The following SEMA3E variants were observed in gnomAD, a reference collection of about 807,000 sequenced individuals.
SEMA3E encodes the protein semaphorin 3E, also known as semaphorin-3E.
Under a neutral mutation model 93.6 loss-of-function variants are expected in SEMA3E, and 49 were observed. That is an observed-to-expected ratio of 0.52 (90% confidence interval 0.42 to 0.66). The LOEUF (loss-of-function observed/expected upper bound fraction) is 0.66, where lower values mean the gene tolerates loss of function less well. Ranked by LOEUF, SEMA3E falls within the 30% of genes least tolerant of loss-of-function variation. The pLI, the probability that SEMA3E is intolerant of heterozygous loss-of-function variation, is 0.00. For missense variants in SEMA3E, 906 were observed against 964.8 expected, an observed-to-expected ratio of 0.94 and a Z score of 0.81; for synonymous variants, 363 against 330.7, an observed-to-expected ratio of 1.10 and a Z score of -1.06.
At chr7:83,404,681 G>T (rs963678752) in intron 9 of SEMA3E, among the ~76,000 whole-genome samples, 9 of 151,878 alleles carry the variant, frequency 5.9e-5, no homozygotes, top group African/African-American at 2.2e-4. Flanking sequence ...GAAAACAATA[G>T]ATTATACATC....
intron 1 of SEMA3E, among the ~76,000 whole-genome samples, chr7:83,619,165 T>C (rs567033299): frequency 1.4e-4 from 22 of 151,872 alleles, no homozygotes; most frequent in Non-Finnish European, 2.7e-4. Flanking sequence ...TTGTTCTTAT[T>C]ATGTATTAAA....
intron 1 of SEMA3E, among the ~76,000 whole-genome samples, chr7:83,632,414 C>A (rs1456718710): frequency 6.6e-6 from 1 of 152,060 alleles, no homozygotes; most frequent in Admixed American, 6.6e-5. Flanking sequence ...GGGAGGGACC[C>A]AGTGGGAGGT....
chr7:83,518,674 C>T lies in SEMA3E; in HGVS notation c.116-28400G>A, dbSNP rs1007680167. Among the ~76,000 whole-genome samples the T allele has an allele frequency of 3.3e-5, 5 of 152,064 alleles. No homozygotes were observed. In the East Asian group the frequency reaches 7.7e-4, roughly 23 times the overall value. On this transcript the variant is annotated intron_variant, in intron 1 of 16. Coordinates refer to ENST00000643230, the MANE Select transcript of SEMA3E (RefSeq NM_012431.3). ...ATTATTAAAAAGAGAGGTAAAGGTGCGACAGACCTCAGAACGTTAATGGAG... is the reference window on the plus strand; with the variant it reads ...ATTATTAAAAAGAGAGGTAAAGGTGTGACAGACCTCAGAACGTTAATGGAG...
chr7:83,551,043 A>C (rs1004483505), intron 1 of SEMA3E, among the ~76,000 whole-genome samples: 6 of 152,122 alleles, frequency 3.9e-5, no homozygotes, highest in African/African-American at 1.4e-4. Flanking sequence ...GTTGGTAAAC[A>C]TGTGGATGAA....
In SEMA3E at chr7:83,413,126, C is replaced by CT. The variant is rs572271089; in HGVS notation, c.551-4640dup. On this transcript the variant is annotated intron_variant, in intron 5 of 16. Coordinates refer to ENST00000643230, the MANE Select transcript of SEMA3E (RefSeq NM_012431.3). ...ACTAAAATACTTTTCTATATAACTCCTTTTTTTTACAATGTGAACTCTAGT... is the reference window on the plus strand; with the variant it reads ...ACTAAAATACTTTTCTATATAACTCCTTTTTTTTTACAATGTGAACTCTAGT... 5.8e-3 allele frequency among the ~76,000 whole-genome samples: 885 copies of CT among 151,964 alleles called. 9 individuals are homozygous for CT. The highest frequency in any genetic ancestry group is 0.02 in the African/African-American group (837 of 41,484).
At position 83,370,624 on chromosome 7, in the gene SEMA3E, A is replaced by T. The variant is rs536777159; in HGVS notation, c.1876-2586T>A. ...TCTCTGTGTATATCTCTGCCTTCAG[A>T]TACTTCTTTAAGGCTGATTAATTCT... On this transcript the variant is annotated intron_variant, in intron 16 of 16. Transcript: ENST00000643230. Among the ~76,000 whole-genome samples the T allele has an allele frequency of 2.0e-5, 3 of 152,060 alleles. No individual in the cohort carries two copies. In the South Asian group the frequency reaches 6.2e-4, roughly 32 times the overall value.
At chr7:83,372,281 C>A in intron 16 of SEMA3E, 1 of 397,902 alleles carries the variant, frequency 2.5e-6, no homozygotes, top group Non-Finnish European at 4.4e-6. Flanking sequence ...TAGGACATTG[C>A]CTTTACCTGA....
chr7:83,490,463 A>C (rs527982571), intron 1 of SEMA3E, among the ~76,000 whole-genome samples, 189 bp from the exon 2 acceptor site: 1 of 152,068 alleles, frequency 6.6e-6, no homozygotes. Context: ...GAATCTAAAA[A>C]CTTCAACAAT....
At chr7:83,458,865 G>A (rs1007807434) in intron 4 of SEMA3E, among the ~76,000 whole-genome samples, 139 of 145,290 alleles carry the variant, frequency 9.6e-4, no homozygotes, top group Non-Finnish European at 1.7e-3. Context: ...TTATATATAT[G>A]ATTATATGTT....
At chr7:83,465,378 A>C (rs1047978229) in intron 4 of SEMA3E, among the ~76,000 whole-genome samples, 1 of 152,158 alleles carries the variant, frequency 6.6e-6, no homozygotes, top group Non-Finnish European at 1.5e-5. Context: ...ACACGGATGC[A>C]CATGAAACTA....
chr7:83,573,218 T>C (rs10262930), intron 1 of SEMA3E, among the ~76,000 whole-genome samples: 2,524 of 152,182 alleles, frequency 0.017, 64 homozygotes, highest in African/African-American at 0.056. Context: ...AATAATCCAA[T>C]TAAAAATAGA....
At chr7:83,559,032 C>G (rs754698133) in intron 1 of SEMA3E, among the ~76,000 whole-genome samples, 3 of 151,918 alleles carry the variant, frequency 2.0e-5, no homozygotes, top group African/African-American at 7.3e-5. Context: ...GATTAAAAAC[C>G]ATTTTGGTGT....
intron 1 of SEMA3E, among the ~76,000 whole-genome samples, chr7:83,545,420 C>A (rs1019889148): frequency 6.6e-6 from 1 of 151,926 alleles, no homozygotes; most frequent in Non-Finnish European, 1.5e-5. Flanking sequence ...TTCCCCCAAT[C>A]CCCAAATACC....
intron 1 of SEMA3E, among the ~76,000 whole-genome samples, chr7:83,534,911 A>G (rs1791383174): frequency 6.6e-6 from 1 of 152,190 alleles, no homozygotes; most frequent in African/African-American, 2.4e-5. Context: ...TGGTATTCCA[A>G]TCTAGTGATA....
rs779934696 is a variant in SEMA3E, at chr7:83,390,149, ACGTGTG to A, written c.1667+2400_1667+2405del. On this transcript the variant is annotated intron_variant, in intron 14 of 16. Coordinates refer to ENST00000643230, the MANE Select transcript of SEMA3E (RefSeq NM_012431.3). ...TACGTGTGCACATATATGCGCGTATACGTGTGCACATATATGCGCGTATACGTGTGC... is the reference window on the plus strand; with the variant it reads ...TACGTGTGCACATATATGCGCGTATACACATATATGCGCGTATACGTGTGC... Among the ~76,000 whole-genome samples the A allele has an allele frequency of 7.0e-5, 2 of 28,616 alleles. 1 individual carries two copies. The highest frequency in any genetic ancestry group is 1.4e-4 in the Non-Finnish European group (2 of 13,976). The allele number at this position is 28,616 out of a possible 152,430, so 18.8% of individuals were successfully genotyped here.
At chr7:83,457,904 A>G (rs1392300830) in intron 4 of SEMA3E, among the ~76,000 whole-genome samples, 1 of 152,118 alleles carries the variant, frequency 6.6e-6, no homozygotes. Context: ...TGCTTAATCA[A>G]AGTATTCTCC....
At chr7:83,376,697 G>C (rs1183414899) in intron 16 of SEMA3E, among the ~76,000 whole-genome samples, 1 of 151,888 alleles carries the variant, frequency 6.6e-6, no homozygotes, top group Non-Finnish European at 1.5e-5. Flanking sequence ...CACAATTAAA[G>C]TTTAAGAGTT....
chr7:83,413,748 T>C (rs1788488668), intron 5 of SEMA3E, among the ~76,000 whole-genome samples: 1 of 152,126 alleles, frequency 6.6e-6, no homozygotes. Flanking sequence ...GTTAAGAAGG[T>C]GGTTTTGAGG....
rs1362093537 is a variant in SEMA3E, at chr7:83,366,986, A to G, written c.*600T>C. On this transcript the variant is annotated 3_prime_UTR_variant, in exon 17 of 17. Transcript: ENST00000643230. ...TATAAAGCAAAAATAGTGTGAATGT[A>G]CTTTAATGAATATTTTACGAAGGGC... The G allele has an allele frequency of 6.5e-6, 1 of 152,760 alleles. No homozygotes were observed. Among genetic ancestry groups the G allele is most frequent in the Admixed American group, 6.5e-5 (1 of 15,338 alleles). 9.5% of individuals were successfully genotyped at this position (152,760 alleles called of 1,614,324 possible).
Sources: allele counts gnomAD v4.1 joint callset (sites outside exome capture counted in the v4.1 genomes callset), GRCh38; gene constraint gnomAD v4.1.1; transcripts MANE v1.5; gene names NCBI Gene and HGNC (gene_info 2026-07-23, HGNC 2026-07-21).